The following TLE4 variants were observed in gnomAD, a reference collection of about 807,000 sequenced individuals.
TLE4 encodes the protein TLE family member 4, transcriptional corepressor, also known as transducin-like enhancer protein 4.
TLE4 carries 8 observed loss-of-function variants against 92.8 expected under a neutral mutation model. That is an observed-to-expected ratio of 0.09 (90% CI 0.05 to 0.16). The LOEUF (loss-of-function observed/expected upper bound fraction) is 0.16. Among genes scored for constraint, TLE4 ranks in the 10% least tolerant of loss-of-function variants. TLE4 has a pLI of 1.00. For synonymous variants in TLE4, 371 were observed against 374.1 expected, an observed-to-expected ratio of 0.99 and a Z score of 0.10; for missense variants, 675 against 997.6, an observed-to-expected ratio of 0.68 and a Z score of 4.36.
intron 8 of TLE4, among the ~76,000 whole-genome samples, chr9:79,655,124 G>A (rs1445002717): frequency 2.6e-5 from 4 of 152,132 alleles, no homozygotes; most frequent in African/African-American, 9.7e-5. Context: ...CCTGGCGACA[G>A]AGTGAGACTC....
At chr9:79,576,040 T>A in intron 3 of TLE4, 93 bp from the exon 4 acceptor site, 1 of 809,416 alleles carries the variant, frequency 1.2e-6, no homozygotes, top group Non-Finnish European at 1.8e-6. Context: ...GAGGCTTTTA[T>A]GTTTGTTTCA....
chr9:79,688,240 G>A (rs1291538559), intron 8 of TLE4, among the ~76,000 whole-genome samples: 5 of 152,040 alleles, frequency 3.3e-5, no homozygotes, highest in African/African-American at 4.8e-5. Flanking sequence ...TTCAACCCCC[G>A]AAAGACTGAA....
intron 5 of TLE4, among the ~76,000 whole-genome samples, chr9:79,616,326 A>G (rs1443145886): frequency 1.3e-5 from 2 of 152,136 alleles, no homozygotes. Context: ...CATCTGTATG[A>G]TGAAGTTAAT....
intron 14 of TLE4, among the ~76,000 whole-genome samples, chr9:79,715,962 A>G (rs1452898425): frequency 2.6e-5 from 4 of 152,020 alleles, no homozygotes; most frequent in Admixed American, 6.6e-5. Flanking sequence ...ACTTACCACT[A>G]TCTCCCAGGC....
At chr9:79,599,928 TTTGC>T (rs2045176479) in intron 4 of TLE4, among the ~76,000 whole-genome samples, 1 of 152,208 alleles carries the variant, frequency 6.6e-6, no homozygotes, top group Non-Finnish European at 1.5e-5. Context: ...TACTTGTATG[TTTGC>T]TTCTGTCTCC....
intron 4 of TLE4, among the ~76,000 whole-genome samples, chr9:79,596,560 A>G (rs147916751): frequency 3.9e-4 from 59 of 152,246 alleles, no homozygotes; most frequent in African/African-American, 1.3e-3. Context: ...TCTGTTCCCT[A>G]GCCACCTCAT....
At chr9:79,687,817 C>T (rs906610569) in intron 8 of TLE4, among the ~76,000 whole-genome samples, 3 of 152,174 alleles carry the variant, frequency 2.0e-5, no homozygotes, top group Admixed American at 6.5e-5. Context: ...TGAGTTACTT[C>T]GTCCCCTAGG....
intron 6 of TLE4, among the ~76,000 whole-genome samples, chr9:79,639,699 A>G (rs1334260623): frequency 6.6e-6 from 1 of 152,134 alleles, no homozygotes; most frequent in Non-Finnish European, 1.5e-5. Context: ...ACAATTGCCT[A>G]CAATATTCAG....
Position 79,706,852 on chromosome 9 carries a change from GCAT to G in TLE4, c.891_893del (p.Ser301del). On this transcript the variant is annotated inframe_deletion, in exon 11 of 20. Transcript: ENST00000376552. ...TGCCCCGATTAGTCCAGCCTCTATTGCATCTTCCAGCAGTACTCCCTCCTCCAA... is the reference window on the plus strand; with the variant it reads ...TGCCCCGATTAGTCCAGCCTCTATTGCTTCCAGCAGTACTCCCTCCTCCAA... 1 of 1,614,140 alleles carries G rather than the reference GCAT, an allele frequency of 6.2e-7. No individual in the cohort carries two copies. The highest frequency in any genetic ancestry group is 1.3e-5 in the African/African-American group (1 of 75,032).
At chr9:79,596,065 C>T (rs1350261885) in intron 4 of TLE4, among the ~76,000 whole-genome samples, 1 of 152,074 alleles carries the variant, frequency 6.6e-6, no homozygotes, top group Non-Finnish European at 1.5e-5. Flanking sequence ...CCAGGATGGT[C>T]TCGATCTCCT....
intron 3 of TLE4, 108 bp from the exon 4 acceptor site, chr9:79,576,025 T>G (rs2037644441): frequency 1.6e-6 from 1 of 637,832 alleles, no homozygotes. Context: ...GATACTGGTT[T>G]AGGTGAGGCT....
At chr9:79,594,685 G>A (rs983371964) in intron 4 of TLE4, among the ~76,000 whole-genome samples, 8 of 152,052 alleles carry the variant, frequency 5.3e-5, no homozygotes, top group Admixed American at 2.0e-4. Context: ...ACTCCACTCC[G>A]ACAGATACTT....
At chr9:79,609,336 T>G (rs1384884052) in intron 4 of TLE4, among the ~76,000 whole-genome samples, 2 of 152,100 alleles carry the variant, frequency 1.3e-5, no homozygotes, top group African/African-American at 4.8e-5. Flanking sequence ...TTTCGTAGAA[T>G]GCCTTTTTTG....
intron 5 of TLE4, among the ~76,000 whole-genome samples, chr9:79,624,156 A>G (rs1287303263): frequency 1.5e-5 from 2 of 133,928 alleles, no homozygotes; most frequent in South Asian, 2.5e-4. Flanking sequence ...GTGAGAGCTT[A>G]CTTGTTAAAA....
intron 8 of TLE4, among the ~76,000 whole-genome samples, chr9:79,672,128 G>A (rs1369400325): frequency 6.6e-6 from 1 of 151,162 alleles, no homozygotes; most frequent in Non-Finnish European, 1.5e-5. Context: ...CCTGTCCTGG[G>A]GAGAGAGGGT....
chr9:79,698,918 GATAATAAT>G (rs2068996787), intron 8 of TLE4, among the ~76,000 whole-genome samples: 1 of 149,864 alleles, frequency 6.7e-6, no homozygotes, highest in African/African-American at 2.5e-5. Context: ...CTGTAAATGA[GATAATAAT>G]ATGTTAAAAT....
At chr9:79,708,317 A>G (rs2072255203) in intron 12 of TLE4, 67 bp downstream of exon 12, 1 of 1,539,938 alleles carries the variant, frequency 6.5e-7, no homozygotes, top group Non-Finnish European at 8.9e-7. Context: ...CAATTTAAGG[A>G]GTACAGTACA....
At chr9:79,573,822 C>A in intron 2 of TLE4, 36 bp downstream of exon 2, 2 of 1,465,770 alleles carry the variant, frequency 1.4e-6, no homozygotes, top group South Asian at 1.3e-5. Context: ...CTTCTGTTTG[C>A]TTAGCTCTTG....
intron 8 of TLE4, among the ~76,000 whole-genome samples, chr9:79,702,606 G>C (rs2070261347): frequency 6.6e-6 from 1 of 152,186 alleles, no homozygotes. Context: ...TCAATCTTCA[G>C]CCTTACTGAA....
Sources: allele counts gnomAD v4.1 joint callset (sites outside exome capture counted in the v4.1 genomes callset), GRCh38; gene constraint gnomAD v4.1.1; transcripts MANE v1.5; gene names NCBI Gene and HGNC (gene_info 2026-07-23, HGNC 2026-07-21).